Variants in RGL1 observed in about 807,000 individuals in gnomAD.
RGL1 encodes ral guanine nucleotide dissociation stimulator like 1, also known as ral guanine nucleotide dissociation stimulator-like 1.
A neutral mutation model predicts 95.2 loss-of-function variants in RGL1; 24 were observed. That is an observed-to-expected ratio of 0.25 (90% CI 0.18 to 0.35). RGL1 has a LOEUF of 0.35. Ranked by LOEUF, RGL1 falls within the 10% of genes least tolerant of loss-of-function variation. The probability of loss-of-function intolerance (pLI) is 1.00; values close to 1 mark genes in which losing one functional copy is unlikely to be tolerated. For missense variants in RGL1, 715 were observed against 936.3 expected (o/e 0.76, Z 3.08); for synonymous variants, 329 against 344.9 (o/e 0.95, Z 0.51).
At chr1:183,765,615 G>A (rs1658923045) in intron 2 of RGL1, among the ~76,000 whole-genome samples, 1 of 152,180 alleles carries the variant, frequency 6.6e-6, no homozygotes, top group Non-Finnish European at 1.5e-5. Context: ...GAACACATCA[G>A]CCTTTCAATT....
At chr1:183,656,655 T>G (rs1651188566) in intron 1 of RGL1, among the ~76,000 whole-genome samples, 1 of 152,252 alleles carries the variant, frequency 6.6e-6, no homozygotes, top group South Asian at 2.1e-4. Context: ...TTTGAACCTA[T>G]TCTGGTTTGG....
At chr1:183,907,465 A>G (rs1185845623) in intron 14 of RGL1, among the ~76,000 whole-genome samples, 1 of 152,196 alleles carries the variant, frequency 6.6e-6, no homozygotes, top group East Asian at 1.9e-4. Context: ...ATTTTAAAAT[A>G]AAACCCAAAC....
At chr1:183,920,316 A>G (rs1257473772) in intron 16 of RGL1, among the ~76,000 whole-genome samples, 1 of 152,202 alleles carries the variant, frequency 6.6e-6, no homozygotes, top group East Asian at 1.9e-4. Context: ...GATTACAGGC[A>G]TGAGCCACCT....
chr1:183,683,154 A>G (rs1023569989), intron 1 of RGL1, among the ~76,000 whole-genome samples: 4 of 152,168 alleles, frequency 2.6e-5, no homozygotes, highest in African/African-American at 7.2e-5. Context: ...TAATTGGGGC[A>G]TTTAGCCCAT....
rs143069854 is a variant in RGL1, at chr1:183,879,785, A to G, written c.426-831A>G. On this transcript the variant is annotated intron_variant, in intron 4 of 17. Transcript: ENST00000360851. ...AAACATTTTATCCTTTTTATCCTTC[A>G]GCTATTTGTCTCTAGCCTTCAGTGA... Among the ~76,000 whole-genome samples the G allele has an allele frequency of 7.3e-3, 1,118 of 152,356 alleles. 2 individuals are homozygous for G. The highest frequency in any genetic ancestry group is 0.012 in the Non-Finnish European group (809 of 68,036).
chr1:183,891,982 C>T, intron 8 of RGL1, 95 bp from the exon 9 acceptor site: 1 of 857,000 alleles, frequency 1.2e-6, no homozygotes, highest in Non-Finnish European at 1.9e-6. Flanking sequence ...CAGCACAGTC[C>T]CTCCTTAGAC....
chr1:183,867,777 C>T (rs1427161886), intron 4 of RGL1, among the ~76,000 whole-genome samples: 1 of 151,976 alleles, frequency 6.6e-6, no homozygotes, highest in Non-Finnish European at 1.5e-5. Context: ...GTGCCTGAAA[C>T]CACTAGTGTT....
At chr1:183,822,741 C>T (rs866608020) in intron 2 of RGL1, among the ~76,000 whole-genome samples, 48 of 152,234 alleles carry the variant, frequency 3.2e-4, no homozygotes, top group African/African-American at 1.1e-3. Context: ...TACTATGTGC[C>T]AAATGTTGGC....
chr1:183,752,149 A>AAAATGGTTT (rs1658040573), intron 2 of RGL1, among the ~76,000 whole-genome samples: 1 of 152,170 alleles, frequency 6.6e-6, no homozygotes, highest in East Asian at 1.9e-4. Flanking sequence ...AAATGGTGGT[A>AAAATGGTTT]CCAATTTATG....
chr1:183,902,978 G>A (rs560778665), intron 12 of RGL1, among the ~76,000 whole-genome samples: 55 of 152,100 alleles, frequency 3.6e-4, no homozygotes, highest in African/African-American at 1.3e-3. Flanking sequence ...TAATAACAAT[G>A]TATTTTATAC....
chr1:183,832,326 A>G (rs140227779), intron 2 of RGL1, among the ~76,000 whole-genome samples: 1 of 152,324 alleles, frequency 6.6e-6, no homozygotes, highest in East Asian at 1.9e-4. Context: ...AGAGGAATAA[A>G]ATGAATTTCC....
chr1:183,720,183 A>G (rs1411716218), intron 1 of RGL1, among the ~76,000 whole-genome samples: 1 of 152,210 alleles, frequency 6.6e-6, no homozygotes, highest in Non-Finnish European at 1.5e-5. Flanking sequence ...GAAAAATACA[A>G]CTGATGAATC....
At position 183,794,593 on chromosome 1, in the gene RGL1, T is replaced by A. The variant is rs369540939; in HGVS notation, c.133-11782T>A. Among the ~76,000 whole-genome samples the A allele has an allele frequency of 3.3e-5, 5 of 152,346 alleles. No individual in the cohort carries two copies. The East Asian group carries it at 5.8e-4, about 18-fold the overall frequency. ...TCCTCTTGTTCACACTGTTCATTTA[T>A]CTTTTAAGAAAATTTTTTAAAAATC... On this transcript the variant is annotated intron_variant, in intron 2 of 18. Transcript: ENST00000304685.
chr1:183,902,690 AAAAT>A, intron 12 of RGL1, 90 bp downstream of exon 12: 1 of 1,259,192 alleles, frequency 7.9e-7, no homozygotes, highest in East Asian at 2.3e-5. Flanking sequence ...GAGGCAGAAA[AAAAT>A]GAGTTAGCAC....
chr1:183,752,606 C>T (rs952114915), intron 2 of RGL1, among the ~76,000 whole-genome samples: 7 of 106,770 alleles, frequency 6.6e-5, no homozygotes, highest in Admixed American at 1.1e-4. Flanking sequence ...CATCTCAGCT[C>T]GAGAACACTT....
intron 2 of RGL1, among the ~76,000 whole-genome samples, chr1:183,798,831 AGTAT>A (rs1343839555): frequency 6.8e-6 from 1 of 146,166 alleles, no homozygotes; most frequent in African/African-American, 2.5e-5. Context: ...TATTTCACTT[AGTAT>A]GTATTTCAGG....
chr1:183,757,505 C>T (rs1658414853), intron 2 of RGL1, among the ~76,000 whole-genome samples: 1 of 151,892 alleles, frequency 6.6e-6, no homozygotes, highest in Non-Finnish European at 1.5e-5. Context: ...TCATATGAGG[C>T]AAAGGGATAG....
chr1:183,867,330 G>A (rs1484576958), intron 4 of RGL1, among the ~76,000 whole-genome samples: 2 of 120,898 alleles, frequency 1.7e-5, no homozygotes, highest in Middle Eastern at 4.2e-3. Context: ...AGCAGCTTTG[G>A]GGAAGGATGG....
chr1:183,898,461 A>G (rs957091010), intron 10 of RGL1, among the ~76,000 whole-genome samples: 2 of 152,244 alleles, frequency 1.3e-5, no homozygotes, highest in African/African-American at 2.4e-5. Flanking sequence ...AGACTGAAAG[A>G]TAGGTATTAT....
Sources: allele counts gnomAD v4.1 joint callset (sites outside exome capture counted in the v4.1 genomes callset), GRCh38; gene constraint gnomAD v4.1.1; transcripts MANE v1.5; gene names NCBI Gene and HGNC (gene_info 2026-07-23, HGNC 2026-07-21).